Variants in IL1RAPL1 observed in about 807,000 individuals in gnomAD.
IL1RAPL1 encodes the protein interleukin-1 receptor accessory protein-like 1.
In IL1RAPL1, 3 loss-of-function variants were observed where a neutral mutation model predicts 48.4. The ratio of observed to expected loss-of-function variants is 0.06; its 90% confidence interval spans 0.03 to 0.16. IL1RAPL1 has a LOEUF of 0.16. Ranked by LOEUF, IL1RAPL1 falls within the 10% of genes least tolerant of loss-of-function variation. The pLI is 1.00. For synonymous variants in IL1RAPL1, 185 were observed against 187.7 expected (o/e 0.99, Z 0.12); for missense variants, 349 against 530.6 (o/e 0.66, Z 3.36).
At chrX:29,874,394 T>A (rs1178623734) in intron 6 of IL1RAPL1, among the ~76,000 whole-genome samples, 1 of 112,281 alleles carries the variant, frequency 8.9e-6, no homozygotes, top group Non-Finnish European at 1.9e-5. Flanking sequence ...ATGTATATAG[T>A]CATCTTCTTT....
chrX:29,946,336 C>G (rs1933212789), intron 9 of IL1RAPL1, among the ~76,000 whole-genome samples: 2 of 112,033 alleles, frequency 1.8e-5, no homozygotes, highest in African/African-American at 3.2e-5. Context: ...GTAGCATTGC[C>G]ACCCCCATGG....
chrX:29,780,264 AAAAC>A (rs958084213), intron 6 of IL1RAPL1, among the ~76,000 whole-genome samples: 1 of 112,239 alleles, frequency 8.9e-6, no homozygotes. Flanking sequence ...ATTATGGTGT[AAAAC>A]AAAATTAAAA....
intron 5 of IL1RAPL1, among the ~76,000 whole-genome samples, chrX:29,504,395 T>G (rs1265166513): frequency 8.9e-6 from 1 of 111,942 alleles, no homozygotes; most frequent in South Asian, 3.7e-4. Context: ...TTGTCGATTT[T>G]CTGTCTGGAT....
intron 2 of IL1RAPL1, among the ~76,000 whole-genome samples, chrX:29,044,558 A>G (rs1167312913): frequency 9.0e-6 from 1 of 111,112 alleles, no homozygotes; most frequent in Non-Finnish European, 1.9e-5. Flanking sequence ...ATATGTGGCC[A>G]GTTACAGAGA....
At chrX:29,857,285 C>A (rs1393241118) in intron 6 of IL1RAPL1, among the ~76,000 whole-genome samples, 3 of 110,123 alleles carry the variant, frequency 2.7e-5, no homozygotes, top group African/African-American at 9.9e-5. Flanking sequence ...AATAATAAAA[C>A]CCCTAAATTT....
At chrX:28,725,803 T>C (rs1173245775) in intron 1 of IL1RAPL1, among the ~76,000 whole-genome samples, 1 of 112,300 alleles carries the variant, frequency 8.9e-6, no homozygotes, top group African/African-American at 3.2e-5. Flanking sequence ...AATAACCTGA[T>C]GGTGGCATAG....
chrX:28,643,131 C>T (rs151222635), intron 1 of IL1RAPL1, among the ~76,000 whole-genome samples: 8,330 of 111,043 alleles, frequency 0.075, 253 homozygotes, highest in African/African-American at 0.12. Flanking sequence ...TAAGATGATC[C>T]GCCCGCCTTG....
At chrX:29,197,789 A>G (rs1243478415) in intron 2 of IL1RAPL1, among the ~76,000 whole-genome samples, 3 of 102,749 alleles carry the variant, frequency 2.9e-5, no homozygotes. Context: ...CCTCACCGCA[A>G]CCTCCGCCTC....
At chrX:29,641,289 G>T (rs1250665642) in intron 5 of IL1RAPL1, among the ~76,000 whole-genome samples, 2 of 113,019 alleles carry the variant, frequency 1.8e-5, no homozygotes, top group African/African-American at 6.4e-5. Flanking sequence ...TCTCATACTT[G>T]TTTGCTTATC....
At chrX:29,838,843 G>A (rs1931071970) in intron 6 of IL1RAPL1, among the ~76,000 whole-genome samples, 1 of 111,991 alleles carries the variant, frequency 8.9e-6, no homozygotes, top group Non-Finnish European at 1.9e-5. Context: ...TCTGGTTTAG[G>A]CCAGGCTCAT....
At chrX:28,670,645 A>G (rs73547824) in intron 1 of IL1RAPL1, among the ~76,000 whole-genome samples, 5,532 of 111,905 alleles carry the variant, frequency 0.049, 339 homozygotes, top group African/African-American at 0.17. Context: ...CTCTCAAAGC[A>G]TTATTGCTTT....
intron 2 of IL1RAPL1, among the ~76,000 whole-genome samples, chrX:28,814,344 TGTG>T (rs1936832167): frequency 1.0e-3 from 87 of 85,564 alleles, no homozygotes; most frequent in African/African-American, 4.0e-3. Flanking sequence ...TTCAGGTTTG[TGTG>T]TGTGTGTGTG....
intron 6 of IL1RAPL1, among the ~76,000 whole-genome samples, chrX:29,726,417 A>G (rs747857735): frequency 2.7e-5 from 3 of 112,054 alleles, no homozygotes; most frequent in Non-Finnish European, 1.9e-5. Context: ...TGAACTTGCC[A>G]TGTAAAATTA....
At chrX:29,421,463 C>T (rs906243228) in intron 5 of IL1RAPL1, among the ~76,000 whole-genome samples, 1 of 110,265 alleles carries the variant, frequency 9.1e-6, no homozygotes, top group Non-Finnish European at 1.9e-5. Flanking sequence ...CTCCAAGAAC[C>T]CCTTTCTCCT....
At position 28,599,098 on chromosome X, in the gene IL1RAPL1, G is replaced by A. The variant is rs1461792863; in HGVS notation, c.-25+11051G>A. Among the ~76,000 whole-genome samples, 3 of 109,265 alleles carry A rather than the reference G, an allele frequency of 2.7e-5. No homozygotes were observed. The Admixed American group carries it at 2.9e-4, about 11-fold the overall frequency. 94.9% of individuals were successfully genotyped at this position (109,265 alleles called of 115,157 possible). On this transcript the variant is annotated intron_variant, in intron 1 of 10. Transcript: ENST00000378993. ...TCTACTAAAAATACAAAAATTAGCT[G>A]GGCACATTGGCAGGTTCTTGTGATC...
intron 3 of IL1RAPL1, among the ~76,000 whole-genome samples, chrX:29,319,172 A>ATCTATCTG (rs1932783821): frequency 1.3e-5 from 1 of 77,969 alleles, no homozygotes; most frequent in Admixed American, 1.5e-4. Context: ...CTATCTATCT[A>ATCTATCTG]TCTATCTATC....
At chrX:29,582,335 G>A (rs1922991515) in intron 5 of IL1RAPL1, among the ~76,000 whole-genome samples, 1 of 105,738 alleles carries the variant, frequency 9.5e-6, no homozygotes. Flanking sequence ...TTAAACTAAT[G>A]ATAAAGATAG....
chrX:29,005,229 A>C, intron 2 of IL1RAPL1, among the ~76,000 whole-genome samples: 1 of 112,121 alleles, frequency 8.9e-6, no homozygotes. Flanking sequence ...TATTATTGGT[A>C]CGTTAGATGT....
intron 5 of IL1RAPL1, among the ~76,000 whole-genome samples, chrX:29,406,009 A>T (rs1455855312): frequency 1.1e-4 from 12 of 111,838 alleles, no homozygotes; most frequent in Non-Finnish European, 5.6e-5. Flanking sequence ...AAGCTCACAC[A>T]TTGTTTCCTG....
Sources: gnomAD v4.1 joint callset for allele counts (sites outside exome capture counted in the v4.1 genomes callset) on GRCh38, gnomAD v4.1.1 for gene constraint, MANE v1.5 for transcripts, NCBI Gene and HGNC (gene_info 2026-07-23, HGNC 2026-07-21) for gene names.